Variants in ROCK1 observed in about 807,000 individuals in gnomAD.
ROCK1 encodes the protein rho-associated protein kinase 1.
Under a neutral mutation model 196.8 loss-of-function variants are expected in ROCK1, and 36 were observed. That is an observed-to-expected ratio of 0.18 (90% confidence interval 0.14 to 0.24). The LOEUF (loss-of-function observed/expected upper bound fraction) is 0.24, where lower values mean the gene tolerates loss of function less well. Among genes scored for constraint, ROCK1 ranks in the 10% least tolerant of loss-of-function variants. The pLI, the probability that ROCK1 is intolerant of heterozygous loss-of-function variation, is 1.00. For missense variants in ROCK1, 920 were observed against 1,562.0 expected, an observed-to-expected ratio of 0.59 and a Z score of 6.93; for synonymous variants, 443 against 515.9, an observed-to-expected ratio of 0.86 and a Z score of 1.91.
intron 22 of ROCK1, among the ~76,000 whole-genome samples, chr18:20,973,178 G>C (rs1353871283): frequency 6.6e-6 from 1 of 151,774 alleles, no homozygotes; most frequent in Non-Finnish European, 1.5e-5. Flanking sequence ...CACGCCCGGT[G>C]TAAGAGGGTT....
intron 9 of ROCK1, among the ~76,000 whole-genome samples, chr18:21,032,723 T>C (rs995427855): frequency 6.7e-6 from 1 of 149,716 alleles, no homozygotes; most frequent in African/African-American, 2.5e-5. Flanking sequence ...GGTTTTGCCA[T>C]GTTGACCAGG....
intron 28 of ROCK1, 76 bp downstream of exon 28, chr18:20,960,059 TA>T: frequency 9.0e-7 from 1 of 1,112,310 alleles, no homozygotes; most frequent in Admixed American, 1.9e-5. Context: ...TAAAAAAAAG[TA>T]GCTAATATAA....
chr18:21,056,463 A>G (rs187733256), intron 2 of ROCK1, among the ~76,000 whole-genome samples: 37 of 152,190 alleles, frequency 2.4e-4, no homozygotes, highest in Non-Finnish European at 1.0e-4. Flanking sequence ...TTTCAGGAAA[A>G]TATGTTGGCT....
intron 9 of ROCK1, among the ~76,000 whole-genome samples, chr18:21,037,151 C>T (rs963475123): frequency 2.6e-5 from 4 of 152,098 alleles, no homozygotes; most frequent in Non-Finnish European, 5.9e-5. Context: ...TATCTTTGAT[C>T]TTACTCATGT....
chr18:21,070,554 A>G lies in ROCK1; in HGVS notation c.153T>C (p.Asn51=), dbSNP rs371987146. The stretch of plus-strand genomic sequence containing the variant: ...TACATCTGCTTAAAAAGTTGTCAAT[A>G]TTTTTGTTTTTTCTTAAGGCAGGAA... ...LDFPALRKNK[N]IDNFLSRYKD... is the part of the protein sequence containing the mutation. Residue 51 remains asparagine, a synonymous_variant, in exon 2 of 33, where the codon AAT becomes AAC. Transcript: ENST00000399799. 153 of 1,600,410 alleles carry G rather than the reference A, an allele frequency of 9.6e-5. No individual in the cohort carries two copies. Among genetic ancestry groups the G allele is most frequent in the Non-Finnish European group, 1.2e-4 (135 of 1,170,564 alleles).
At chr18:21,055,396 G>A (rs956219064) in intron 2 of ROCK1, among the ~76,000 whole-genome samples, 3 of 151,916 alleles carry the variant, frequency 2.0e-5, no homozygotes, top group African/African-American at 4.8e-5. Context: ...ACTGATCCTC[G>A]TTCACAGCTA....
At chr18:21,026,523 G>A (rs2035958294) in intron 10 of ROCK1, among the ~76,000 whole-genome samples, 1 of 147,546 alleles carries the variant, frequency 6.8e-6, no homozygotes, top group Non-Finnish European at 1.5e-5. Flanking sequence ...TATGTTAATT[G>A]AATACAGTTA....
intron 6 of ROCK1, among the ~76,000 whole-genome samples, chr18:21,042,954 C>A (rs929200449): frequency 1.3e-5 from 2 of 152,042 alleles, no homozygotes; most frequent in African/African-American, 2.4e-5. Flanking sequence ...TGCATATACA[C>A]ACACATTATA....
At chr18:21,027,374 TGACA>T (rs2035967751) in intron 10 of ROCK1, among the ~76,000 whole-genome samples, 1 of 152,196 alleles carries the variant, frequency 6.6e-6, no homozygotes, top group African/African-American at 2.4e-5. Context: ...AGTATATACC[TGACA>T]AATAATAAGT....
chr18:20,957,523 C>T (rs1384914591), intron 29 of ROCK1, among the ~76,000 whole-genome samples: 11 of 152,076 alleles, frequency 7.2e-5, no homozygotes, highest in East Asian at 1.9e-4. Context: ...CTCTGTCACC[C>T]GGGCTGCAGT....
At position 20,951,381 on chromosome 18, in the gene ROCK1, TGG is replaced by T. The variant is rs773868393; in HGVS notation, c.*1_*2del. On this transcript the variant is annotated 3_prime_UTR_variant, in exon 33 of 33. Coordinates refer to ENST00000399799, the MANE Select transcript of ROCK1 (RefSeq NM_005406.3). The stretch of plus-strand genomic sequence containing the variant: ...CGATTCCACAGGGCACTCAGTCACA[TGG>T]TTAACTGTTGAGGGAGGGGGAAAAA... The T allele has an allele frequency of 1.8e-5, 29 of 1,598,230 alleles. No individual in the cohort carries two copies. The East Asian group carries it at 6.0e-4, about 33-fold the overall frequency.
At position 20,984,262 on chromosome 18, in the gene ROCK1, A is replaced by G. The variant is rs145255629; in HGVS notation, c.2489+89T>C. The G allele has an allele frequency of 3.2e-5, 32 of 985,110 alleles. No individual in the cohort carries two copies. The East Asian group carries it at 6.9e-4, about 21-fold the overall frequency. 61.0% of individuals were successfully genotyped at this position (985,110 alleles called of 1,614,324 possible). On this transcript the variant is annotated intron_variant, in intron 20 of 32. Coordinates refer to ENST00000399799, the MANE Select transcript of ROCK1 (RefSeq NM_005406.3). Reference sequence around the variant, plus strand: ...TCTGTCTTTCACAAACTCTAAGTACATAATCTGTACATATGTAAAATGTCA... The same window carrying G: ...TCTGTCTTTCACAAACTCTAAGTACGTAATCTGTACATATGTAAAATGTCA...
chr18:21,098,675 G>C (rs1246095788), intron 1 of ROCK1, among the ~76,000 whole-genome samples: 2 of 150,060 alleles, frequency 1.3e-5, no homozygotes, highest in Non-Finnish European at 3.0e-5. Context: ...CAGAAAAAGG[G>C]CTAAGCTCCC....
chr18:21,078,233 G>A (rs1420823598), intron 1 of ROCK1, among the ~76,000 whole-genome samples: 2 of 152,058 alleles, frequency 1.3e-5, no homozygotes, highest in African/African-American at 4.8e-5. Context: ...GGGGGCTAGG[G>A]TGCGAGAATC....
chr18:21,033,656 A>G (rs2036029656), intron 9 of ROCK1, among the ~76,000 whole-genome samples: 2 of 151,954 alleles, frequency 1.3e-5, no homozygotes, highest in Non-Finnish European at 2.9e-5. Context: ...GATCAGAAAT[A>G]AAAGTTCTAC....
At chr18:20,974,707 GGATTATAA>G (rs2143373089) in intron 22 of ROCK1, among the ~76,000 whole-genome samples, 1 of 152,196 alleles carries the variant, frequency 6.6e-6, no homozygotes, top group South Asian at 2.1e-4. Flanking sequence ...ATATTCTTCT[GGATTATAA>G]GATTATAAAG....
At chr18:21,025,511 G>A (rs1041831963) in intron 10 of ROCK1, among the ~76,000 whole-genome samples, 1 of 152,126 alleles carries the variant, frequency 6.6e-6, no homozygotes, top group Non-Finnish European at 1.5e-5. Context: ...GATCACTTGA[G>A]GCCAGGGGTT....
chr18:20,958,730 C>A (rs1174616977), intron 29 of ROCK1, among the ~76,000 whole-genome samples: 2 of 150,102 alleles, frequency 1.3e-5, no homozygotes, highest in East Asian at 3.9e-4. Context: ...TTGCATATAA[C>A]CTAGGCACAT....
intron 6 of ROCK1, 82 bp downstream of exon 6, chr18:21,044,020 T>G: frequency 1.2e-6 from 1 of 823,406 alleles, no homozygotes; most frequent in Non-Finnish European, 2.0e-6. Context: ...TTACACCATT[T>G]TCTAAAGAAT....
Sources: gnomAD v4.1 joint callset for allele counts (sites outside exome capture counted in the v4.1 genomes callset) on GRCh38, gnomAD v4.1.1 for gene constraint, MANE v1.5 for transcripts, NCBI Gene and HGNC (gene_info 2026-07-23, HGNC 2026-07-21) for gene names.